FHOD3: variants seen among roughly 807,000 people sequenced by gnomAD.
FHOD3 encodes the protein formin homology 2 domain containing 3, also known as FH1/FH2 domain-containing protein 3.
In FHOD3, 90 loss-of-function variants were observed where a neutral mutation model predicts 173.0. The ratio of observed to expected loss-of-function variants is 0.52; its 90% CI spans 0.44 to 0.62. FHOD3 has a LOEUF of 0.62. Among genes scored for constraint, FHOD3 ranks in the 20% least tolerant of loss-of-function variants. The pLI is 0.00. For synonymous variants in FHOD3, 828 were observed against 823.0 expected (o/e 1.01, Z -0.10); for missense variants, 1,945 against 2,034.7 (o/e 0.96, Z 0.85).
intron 13 of FHOD3, 74 bp from the exon 14 acceptor site, chr18:36,658,001 G>A (rs956976122): frequency 5.4e-6 from 6 of 1,111,364 alleles, no homozygotes; most frequent in Non-Finnish European, 8.1e-6. Context: ...AAAATGGTTT[G>A]CTAAGTCTTA....
At chr18:36,635,207 C>A (rs1015338657) in intron 10 of FHOD3, among the ~76,000 whole-genome samples, 1 of 152,172 alleles carries the variant, frequency 6.6e-6, no homozygotes, top group Non-Finnish European at 1.5e-5. Flanking sequence ...GAAGAAGTTA[C>A]TTTGCAATGC....
chr18:36,455,569 C>T lies in FHOD3; in HGVS notation c.338-46363C>T, dbSNP rs534179068. Among the ~76,000 whole-genome samples the T allele has an allele frequency of 1.4e-3, 163 of 116,584 alleles. 1 individual carries two copies. The highest frequency in any genetic ancestry group is 6.5e-3 in the African/African-American group (158 of 24,276). The allele number at this position is 116,584 out of a possible 152,430, so 76.5% of individuals were successfully genotyped here. ...CAGATGTCGGCAATGTTCATTAAAC[C>T]TTTAATTAAAAAAAAAAAAAGCTGT... is the stretch of plus-strand genomic sequence containing the variant. On this transcript the variant is annotated intron_variant, in intron 3 of 28. Coordinates refer to ENST00000590592, the MANE Select transcript of FHOD3 (RefSeq NM_001281740.3).
At chr18:36,544,319 A>G (rs897507772) in intron 5 of FHOD3, among the ~76,000 whole-genome samples, 4 of 152,244 alleles carry the variant, frequency 2.6e-5, no homozygotes, top group Non-Finnish European at 2.9e-5. Flanking sequence ...AGAGTGGTCA[A>G]GGGTGAAGAG....
intron 20 of FHOD3, among the ~76,000 whole-genome samples, chr18:36,740,121 T>C (rs1449397762): frequency 1.1e-4 from 16 of 152,198 alleles, no homozygotes; most frequent in Admixed American, 9.2e-4. Context: ...CAGAAACAAA[T>C]AGAAGTAAAA....
intron 17 of FHOD3, among the ~76,000 whole-genome samples, chr18:36,697,007 C>T (rs1252683096): frequency 6.6e-6 from 1 of 152,136 alleles, no homozygotes; most frequent in Non-Finnish European, 1.5e-5. Flanking sequence ...TCTGAAAGCA[C>T]CTAAGTGATT....
chr18:36,753,104 G>A (rs1270240750), intron 24 of FHOD3, among the ~76,000 whole-genome samples: 1 of 152,166 alleles, frequency 6.6e-6, no homozygotes, highest in African/African-American at 2.4e-5. Flanking sequence ...ATGAGTGAGA[G>A]CCATCCATGC....
intron 9 of FHOD3, among the ~76,000 whole-genome samples, chr18:36,619,767 G>A (rs577912873): frequency 6.6e-6 from 1 of 152,360 alleles, no homozygotes; most frequent in African/African-American, 2.4e-5. Context: ...TGCGTAAGCA[G>A]AGGATCTGAG....
rs142900451 is a variant in FHOD3 at position 36,754,976 on chromosome 18, TTTATTA to T, written c.4233-107_4233-102del. ...ACTGAGAGTGTGGCTTGTTGGTTTCTTTATTATTATTATTATTATTATTATTATTAT... is the reference window on the plus strand; with the variant it reads ...ACTGAGAGTGTGGCTTGTTGGTTTCTTTATTATTATTATTATTATTATTAT... On this transcript the variant is annotated intron_variant, in intron 24 of 28. Transcript: ENST00000590592. The T allele has an allele frequency of 0.043, 7,204 of 168,196 alleles. 205 individuals carry two copies. The highest frequency in any genetic ancestry group is 0.082 in the African/African-American group (3,205 of 39,114). The allele number at this position is 168,196 out of a possible 1,614,324, so 10.4% of individuals were successfully genotyped here.
chr18:36,525,913 C>G (rs1170828974), intron 5 of FHOD3, among the ~76,000 whole-genome samples: 1 of 152,196 alleles, frequency 6.6e-6, no homozygotes, highest in Non-Finnish European at 1.5e-5. Context: ...TTTGGTGTTT[C>G]CTAATATGCC....
chr18:36,376,231 T>C (rs2146176729), intron 3 of FHOD3, among the ~76,000 whole-genome samples: 1 of 152,314 alleles, frequency 6.6e-6, no homozygotes, highest in African/African-American at 2.4e-5. Context: ...TTTGAAGTCG[T>C]TAAGACCCTA....
chr18:36,664,701 C>T (rs988548480), intron 14 of FHOD3, among the ~76,000 whole-genome samples: 3 of 150,700 alleles, frequency 2.0e-5, no homozygotes, highest in Admixed American at 1.3e-4. Context: ...CCATGGTTTC[C>T]AGTTGTCACT....
intron 3 of FHOD3, among the ~76,000 whole-genome samples, chr18:36,420,237 T>G (rs1231567107): frequency 2.0e-5 from 3 of 152,196 alleles, no homozygotes; most frequent in Non-Finnish European, 2.9e-5. Context: ...TGGTGTACAC[T>G]TGTTAGCAGA....
At chr18:36,693,598 C>T (rs975471031) in intron 17 of FHOD3, among the ~76,000 whole-genome samples, 175 bp downstream of exon 17, 3 of 152,166 alleles carry the variant, frequency 2.0e-5, no homozygotes, top group South Asian at 4.2e-4. Context: ...AACTAGACGT[C>T]TTCAGAGCCA....
chr18:36,352,543 C>G (rs2046180128), intron 1 of FHOD3, among the ~76,000 whole-genome samples: 1 of 152,178 alleles, frequency 6.6e-6, no homozygotes, highest in African/African-American at 2.4e-5. Flanking sequence ...AGTATTTATG[C>G]CACATTCATG....
chr18:36,529,743 T>C (rs2056697655), intron 5 of FHOD3, among the ~76,000 whole-genome samples: 1 of 152,090 alleles, frequency 6.6e-6, no homozygotes, highest in South Asian at 2.1e-4. Flanking sequence ...GAGGTTGCAG[T>C]GAGCTGAGAT....
At chr18:36,384,637 C>A (rs1439737841) in intron 3 of FHOD3, among the ~76,000 whole-genome samples, 2 of 151,022 alleles carry the variant, frequency 1.3e-5, no homozygotes, top group Non-Finnish European at 2.9e-5. Context: ...AAAATAAAGT[C>A]ATATATTGAG....
At chr18:36,390,384 T>C (rs17746240) in intron 3 of FHOD3, among the ~76,000 whole-genome samples, 33,625 of 152,076 alleles carry the variant, frequency 0.22, 4,252 homozygotes, top group East Asian at 0.67. Flanking sequence ...AGGTTAAAGA[T>C]AGGAGTGAGT....
At chr18:36,649,167 G>C (rs1367648479) in intron 10 of FHOD3, 149 bp from the exon 11 acceptor site, 2 of 595,040 alleles carry the variant, frequency 3.4e-6, no homozygotes, top group Non-Finnish European at 5.7e-6. Flanking sequence ...CTTCATTTCA[G>C]CCAGCTGGGT....
intron 3 of FHOD3, among the ~76,000 whole-genome samples, chr18:36,440,339 G>A (rs774532490): frequency 6.6e-5 from 10 of 152,204 alleles, no homozygotes; most frequent in Middle Eastern, 3.2e-3. Flanking sequence ...TTCCACATCC[G>A]CCTGGGGAGA....
Sources: allele counts gnomAD v4.1 joint callset (sites outside exome capture counted in the v4.1 genomes callset), GRCh38; gene constraint gnomAD v4.1.1; transcripts MANE v1.5; gene names NCBI Gene and HGNC (gene_info 2026-07-23, HGNC 2026-07-21).